TENM4: variants seen among roughly 807,000 people sequenced by gnomAD.
The protein encoded by TENM4 is teneurin transmembrane protein 4.
In TENM4, 82 loss-of-function variants were observed where a neutral mutation model predicts 243.3. The observed-to-expected ratio is 0.34, with a 90% CI of 0.28 to 0.40. The LOEUF is 0.40. TENM4 is among the 10% of genes least tolerant of loss of function. TENM4 has a pLI of 1.00. For synonymous variants in TENM4, 1,412 were observed against 1,456.3 expected, an observed-to-expected ratio of 0.97 and a Z score of 0.69; for missense variants, 3,138 against 3,673.3, an observed-to-expected ratio of 0.85 and a Z score of 3.77.
At chr11:78,929,316 T>C (rs1441579202) in intron 6 of TENM4, among the ~76,000 whole-genome samples, 1 of 152,122 alleles carries the variant, frequency 6.6e-6, no homozygotes, top group East Asian at 1.9e-4. Flanking sequence ...AATTACAGAA[T>C]CGGCTACATT....
At chr11:79,105,253 T>C (rs1197781329) in intron 4 of TENM4, among the ~76,000 whole-genome samples, 2 of 152,228 alleles carry the variant, frequency 1.3e-5, no homozygotes, top group African/African-American at 4.8e-5. Context: ...ATTGCTTCCT[T>C]GCAATTCTAG....
At chr11:79,090,825 A>G (rs1201855370) in intron 4 of TENM4, among the ~76,000 whole-genome samples, 3 of 152,178 alleles carry the variant, frequency 2.0e-5, no homozygotes, top group African/African-American at 7.2e-5. Context: ...TGTGTTGGGC[A>G]TGAGGCTGCC....
chr11:79,104,216 T>C (rs1287922899), intron 4 of TENM4, among the ~76,000 whole-genome samples: 1 of 152,236 alleles, frequency 6.6e-6, no homozygotes, highest in Non-Finnish European at 1.5e-5. Flanking sequence ...ATTTATTCCT[T>C]GTCTTTCCCC....
intron 17 of TENM4, among the ~76,000 whole-genome samples, chr11:78,771,429 A>G (rs962736033): frequency 5.9e-5 from 9 of 152,160 alleles, no homozygotes; most frequent in African/African-American, 1.4e-4. Context: ...AGTGACCGGG[A>G]TTCTGGAGCC....
chr11:78,962,757 C>T (rs1190161275), intron 6 of TENM4, among the ~76,000 whole-genome samples: 1 of 152,224 alleles, frequency 6.6e-6, no homozygotes, highest in Non-Finnish European at 1.5e-5. Context: ...GATCCCTGAG[C>T]CCCTATAAGC....
intron 6 of TENM4, among the ~76,000 whole-genome samples, chr11:78,981,295 T>A (rs1198773313): frequency 6.6e-6 from 1 of 152,204 alleles, no homozygotes. Context: ...TGCAGAACAC[T>A]CTATGATTCA....
intron 4 of TENM4, among the ~76,000 whole-genome samples, chr11:79,142,720 T>C (rs562377202): frequency 2.0e-5 from 3 of 152,242 alleles, no homozygotes; most frequent in Non-Finnish European, 2.9e-5. Context: ...TCACATTACC[T>C]GACTTCAAAT....
chr11:78,829,971 C>T (rs924202220), intron 12 of TENM4, among the ~76,000 whole-genome samples: 8 of 152,192 alleles, frequency 5.3e-5, no homozygotes, highest in Non-Finnish European at 1.0e-4. Context: ...ACCATCTCCA[C>T]ACAGTACTGG....
intron 6 of TENM4, among the ~76,000 whole-genome samples, chr11:79,015,423 A>G (rs948001268): frequency 6.6e-6 from 1 of 152,110 alleles, no homozygotes; most frequent in Non-Finnish European, 1.5e-5. Context: ...ACTGTGGATC[A>G]CTAACCTATA....
At chr11:78,714,862 G>A (rs750720005) in intron 25 of TENM4, among the ~76,000 whole-genome samples, 3 of 151,954 alleles carry the variant, frequency 2.0e-5, no homozygotes, top group Non-Finnish European at 2.9e-5. Flanking sequence ...CCTTCTCCCC[G>A]TGCATGGAGA....
chr11:79,128,436 G>A (rs901752655), intron 4 of TENM4, among the ~76,000 whole-genome samples: 3 of 152,184 alleles, frequency 2.0e-5, no homozygotes, highest in African/African-American at 7.2e-5. Context: ...GATTGGGCTT[G>A]AGCAGGTCCT....
intron 4 of TENM4, among the ~76,000 whole-genome samples, chr11:79,113,600 C>G (rs938554424): frequency 6.6e-6 from 1 of 151,322 alleles, no homozygotes; most frequent in Non-Finnish European, 1.5e-5. Flanking sequence ...ATTCATGAAA[C>G]GCACAATTAA....
At chr11:78,758,079 T>C (rs1449412310) in intron 18 of TENM4, among the ~76,000 whole-genome samples, 1 of 152,204 alleles carries the variant, frequency 6.6e-6, no homozygotes, top group African/African-American at 2.4e-5. Context: ...AAGCAGGTAG[T>C]GTCCAAAGTG....
chr11:78,799,977 T>G (rs1396937893), intron 15 of TENM4, among the ~76,000 whole-genome samples: 3 of 151,126 alleles, frequency 2.0e-5, no homozygotes, highest in East Asian at 3.9e-4. Context: ...GGGGTAAGGG[T>G]GGGGAAGGAA....
chr11:79,177,637 G>C (rs182175829), intron 3 of TENM4, among the ~76,000 whole-genome samples: 2 of 152,266 alleles, frequency 1.3e-5, no homozygotes, highest in East Asian at 3.9e-4. Context: ...GGAGGGTATG[G>C]TTAGGGCGGG....
At chr11:79,155,216 T>A (rs1293736271) in intron 3 of TENM4, among the ~76,000 whole-genome samples, 1 of 152,146 alleles carries the variant, frequency 6.6e-6, no homozygotes, top group Non-Finnish European at 1.5e-5. Context: ...TCTGGGCCAA[T>A]GGAGGTGGGG....
chr11:78,675,724 G>A (rs2135694218), intron 30 of TENM4, among the ~76,000 whole-genome samples: 1 of 152,222 alleles, frequency 6.6e-6, no homozygotes, highest in East Asian at 1.9e-4. Flanking sequence ...TAGCAATAAT[G>A]GTAATAAATC....
At chr11:78,906,481 T>C (rs1856065458) in intron 6 of TENM4, among the ~76,000 whole-genome samples, 1 of 152,228 alleles carries the variant, frequency 6.6e-6, no homozygotes, top group Non-Finnish European at 1.5e-5. Flanking sequence ...AGGCTCTGGC[T>C]TGATAAATGT....
chr11:78,692,353 T>A (rs1424776960), intron 28 of TENM4, among the ~76,000 whole-genome samples: 1 of 152,150 alleles, frequency 6.6e-6, no homozygotes, highest in African/African-American at 2.4e-5. Flanking sequence ...CTCCTAACTA[T>A]CAAGTCTCCA....
Sources: allele counts gnomAD v4.1 joint callset (sites outside exome capture counted in the v4.1 genomes callset), GRCh38; gene constraint gnomAD v4.1.1; transcripts MANE v1.5; gene names NCBI Gene and HGNC (gene_info 2026-07-23, HGNC 2026-07-21).